The following CADM2 variants were observed in gnomAD, a reference collection of about 807,000 sequenced individuals.
CADM2 encodes cell adhesion molecule 2.
Under a neutral mutation model 49.8 loss-of-function variants are expected in CADM2, and 12 were observed. The observed-to-expected ratio is 0.24, with a 90% CI of 0.15 to 0.39. The LOEUF is 0.39. Ranked by LOEUF, CADM2 falls within the 10% of genes least tolerant of loss-of-function variation. The pLI is 1.00. For missense variants in CADM2, 378 were observed against 492.3 expected, an observed-to-expected ratio of 0.77 and a Z score of 2.20; for synonymous variants, 214 against 175.4, an observed-to-expected ratio of 1.22 and a Z score of -1.74.
chr3:85,352,513 A>G (rs1275647424), intron 1 of CADM2, among the ~76,000 whole-genome samples: 1 of 152,132 alleles, frequency 6.6e-6, no homozygotes, highest in Non-Finnish European at 1.5e-5. Context: ...AGGGATTAAA[A>G]TGTACCTTCA....
At chr3:85,798,464 T>A (rs2108059199) in intron 2 of CADM2, among the ~76,000 whole-genome samples, 1 of 152,218 alleles carries the variant, frequency 6.6e-6, no homozygotes, top group Middle Eastern at 3.4e-3. Context: ...AAGGAAGGGG[T>A]CCAGTTTCAG....
chr3:85,204,286 T>A (rs1379461011), intron 1 of CADM2, among the ~76,000 whole-genome samples: 1 of 152,188 alleles, frequency 6.6e-6, no homozygotes, highest in Admixed American at 6.5e-5. Context: ...TTTAATTTTA[T>A]TGATTTCAAA....
intron 2 of CADM2, among the ~76,000 whole-genome samples, chr3:85,779,217 C>A (rs2070509304): frequency 6.6e-6 from 1 of 151,798 alleles, no homozygotes; most frequent in Non-Finnish European, 1.5e-5. Context: ...TTAATCAATG[C>A]AATGACTGTT....
chr3:85,525,011 T>TA (rs2061127500), intron 1 of CADM2, among the ~76,000 whole-genome samples: 1 of 152,044 alleles, frequency 6.6e-6, no homozygotes, highest in South Asian at 2.1e-4. Flanking sequence ...TGCCAGGTGG[T>TA]AGGGGGCTAG....
At chr3:85,227,133 A>G (rs1273208080) in intron 1 of CADM2, among the ~76,000 whole-genome samples, 1 of 152,190 alleles carries the variant, frequency 6.6e-6, no homozygotes, top group Non-Finnish European at 1.5e-5. Flanking sequence ...GTAGATGACT[A>G]TTAGGTCCAC....
At chr3:85,763,353 T>A (rs1334604175) in intron 2 of CADM2, among the ~76,000 whole-genome samples, 1 of 152,202 alleles carries the variant, frequency 6.6e-6, no homozygotes, top group Non-Finnish European at 1.5e-5. Flanking sequence ...AGACTCACCC[T>A]GATTTATTTT....
chr3:85,217,156 A>G (rs536215571), intron 1 of CADM2, among the ~76,000 whole-genome samples: 3 of 152,028 alleles, frequency 2.0e-5, no homozygotes, highest in South Asian at 4.1e-4. Flanking sequence ...ACACACAAAG[A>G]TGTTTATTTA....
intron 1 of CADM2, among the ~76,000 whole-genome samples, chr3:85,071,549 C>A (rs2036745115): frequency 6.6e-6 from 1 of 152,022 alleles, no homozygotes; most frequent in Non-Finnish European, 1.5e-5. Context: ...AAAATACAAC[C>A]TTGAGAATTC....
At chr3:85,376,704 G>T (rs923046458) in intron 1 of CADM2, among the ~76,000 whole-genome samples, 2 of 151,900 alleles carry the variant, frequency 1.3e-5, no homozygotes, top group Admixed American at 6.6e-5. Flanking sequence ...GGAGATCATT[G>T]TTTGGCTATC....
intron 1 of CADM2, among the ~76,000 whole-genome samples, chr3:85,226,489 C>T (rs752846769): frequency 6.6e-6 from 1 of 151,812 alleles, no homozygotes; most frequent in Admixed American, 6.6e-5. Context: ...CATTTTTTAT[C>T]GCACCTATTT....
At chr3:85,368,322 G>T (rs1328996595) in intron 1 of CADM2, among the ~76,000 whole-genome samples, 1 of 152,004 alleles carries the variant, frequency 6.6e-6, no homozygotes, top group African/African-American at 2.4e-5. Flanking sequence ...AAATGACAGT[G>T]TTGAAAGTGG....
At chr3:85,216,253 A>G (rs950574549) in intron 1 of CADM2, among the ~76,000 whole-genome samples, 2 of 148,282 alleles carry the variant, frequency 1.3e-5, no homozygotes, top group African/African-American at 4.9e-5. Context: ...ATAGACTATT[A>G]AAATATTTAA....
rs1553742867 is a variant in CADM2 at position 85,563,411 on chromosome 3, T to TCGGGGG, written c.62-163111_62-163110insCGGGGG. ...AAAACAGGGAATTTTTGTGTGTGTG[T>TCGGGGG]GGGGGGGTGGTAATTTAGCTAAAAT... On this transcript the variant is annotated intron_variant, in intron 1 of 9. Coordinates refer to ENST00000383699, the MANE Select transcript of CADM2 (RefSeq NM_001167675.2). Among the ~76,000 whole-genome samples the TCGGGGG allele has an allele frequency of 3.5e-5, 5 of 142,044 alleles. No individual in the cohort carries two copies. In the Admixed American group the frequency reaches 3.6e-4, roughly 10 times the overall value. The allele number at this position is 142,044 out of a possible 152,430, so 93.2% of individuals were successfully genotyped here.
intron 2 of CADM2, among the ~76,000 whole-genome samples, chr3:85,778,002 A>C (rs1418138555): frequency 6.6e-6 from 1 of 152,160 alleles, no homozygotes; most frequent in Non-Finnish European, 1.5e-5. Flanking sequence ...TGAACAGTAC[A>C]ATCATCCATT....
intron 1 of CADM2, among the ~76,000 whole-genome samples, chr3:85,387,129 T>C (rs530919828): frequency 7.2e-5 from 11 of 152,256 alleles, no homozygotes; most frequent in African/African-American, 2.4e-4. Flanking sequence ...AATTAAAGTT[T>C]TGTTGAAAGT....
intron 1 of CADM2, among the ~76,000 whole-genome samples, chr3:85,418,486 A>C (rs2036011834): frequency 6.6e-6 from 1 of 152,098 alleles, no homozygotes. Context: ...GGCAAATGTT[A>C]CTTAAGTTTC....
At chr3:86,066,357 A>AAAAAG (rs1559835498) in intron 9 of CADM2, among the ~76,000 whole-genome samples, 1 of 150,294 alleles carries the variant, frequency 6.7e-6, no homozygotes. Context: ...AAAAAAAAAA[A>AAAAAG]AGATCTTAAC....
At chr3:85,984,141 T>C (rs1053417864) in intron 8 of CADM2, among the ~76,000 whole-genome samples, 5 of 150,158 alleles carry the variant, frequency 3.3e-5, no homozygotes, top group African/African-American at 1.2e-4. Context: ...TCCGATTATA[T>C]ATTATATATC....
chr3:86,005,555 T>TTA (rs1553721578), intron 8 of CADM2, among the ~76,000 whole-genome samples: 111 of 91,768 alleles, frequency 1.2e-3, no homozygotes, highest in East Asian at 0.012. Context: ...CCGTCTCATA[T>TTA]AAAAAAAAAA....
Sources: allele counts gnomAD v4.1 joint callset (sites outside exome capture counted in the v4.1 genomes callset), GRCh38; gene constraint gnomAD v4.1.1; transcripts MANE v1.5; gene names NCBI Gene and HGNC (gene_info 2026-07-23, HGNC 2026-07-21).